GRM7: variants seen among roughly 807,000 people sequenced by gnomAD.
The protein encoded by GRM7 is metabotropic glutamate receptor 7.
In GRM7, 35 loss-of-function variants were observed where a neutral mutation model predicts 84.5. That is an observed-to-expected ratio of 0.41 (90% CI 0.32 to 0.55). The LOEUF (loss-of-function observed/expected upper bound fraction) is 0.55. Among genes scored for constraint, GRM7 ranks in the 20% least tolerant of loss-of-function variants. GRM7 has a pLI of 0.19. For synonymous variants in GRM7, 487 were observed against 455.1 expected, an observed-to-expected ratio of 1.07 and a Z score of -0.89; for missense variants, 1,003 against 1,194.6, an observed-to-expected ratio of 0.84 and a Z score of 2.36.
At chr3:7,084,462 G>A (rs1485836055) in intron 1 of GRM7, among the ~76,000 whole-genome samples, 1 of 152,048 alleles carries the variant, frequency 6.6e-6, no homozygotes, top group Non-Finnish European at 1.5e-5. Context: ...GTCATATTAG[G>A]GATATATGTT....
intron 1 of GRM7, among the ~76,000 whole-genome samples, chr3:7,108,276 T>A (rs1692723867): frequency 6.6e-6 from 1 of 152,072 alleles, no homozygotes; most frequent in African/African-American, 2.4e-5. Context: ...TCTGTCTGAT[T>A]GCAGGAAGAA....
intron 4 of GRM7, among the ~76,000 whole-genome samples, chr3:7,383,899 T>C (rs1388553341): frequency 6.6e-6 from 1 of 152,238 alleles, no homozygotes; most frequent in Admixed American, 6.5e-5. Flanking sequence ...TCGTGGAGTT[T>C]ACCTTTTTAA....
intron 4 of GRM7, among the ~76,000 whole-genome samples, chr3:7,331,159 A>G (rs1575177427): frequency 6.6e-6 from 1 of 152,238 alleles, no homozygotes; most frequent in Non-Finnish European, 1.5e-5. Flanking sequence ...CCTCTATACT[A>G]AAGTTTTTAA....
At chr3:6,909,773 C>CAATT (rs1696703557) in intron 1 of GRM7, among the ~76,000 whole-genome samples, 1 of 151,892 alleles carries the variant, frequency 6.6e-6, no homozygotes, top group African/African-American at 2.4e-5. Context: ...ATCACGTATT[C>CAATT]CTGTTTGATT....
rs571631926 is a variant in GRM7 at position 7,319,183 on chromosome 3, C to T, written c.1033+12531C>T. Among the ~76,000 whole-genome samples the T allele has an allele frequency of 7.0e-4, 107 of 151,970 alleles. 1 individual carries two copies. The highest frequency in any genetic ancestry group is 5.1e-3 in the Admixed American group (78 of 15,234). ...ACCATTATAATGTCAGAGGATGGAT[C>T]GTGATAATAGAGATAAGCTTAGGGG... On this transcript the variant is annotated intron_variant, in intron 4 of 9. Coordinates refer to ENST00000357716, the MANE Select transcript of GRM7 (RefSeq NM_000844.4).
intron 2 of GRM7, among the ~76,000 whole-genome samples, chr3:7,224,840 C>T (rs751513710): frequency 3.9e-5 from 6 of 152,214 alleles, no homozygotes; most frequent in East Asian, 1.9e-4. Context: ...AAGTTGAATG[C>T]GTGCACCTAA....
At chr3:6,996,530 G>A (rs1322819409) in intron 1 of GRM7, among the ~76,000 whole-genome samples, 1 of 152,060 alleles carries the variant, frequency 6.6e-6, no homozygotes, top group Non-Finnish European at 1.5e-5. Context: ...TCATACTATT[G>A]GGAGTTTGCT....
chr3:7,232,510 T>C (rs187028816), intron 2 of GRM7, among the ~76,000 whole-genome samples: 67 of 152,238 alleles, frequency 4.4e-4, no homozygotes, highest in Non-Finnish European at 7.5e-4. Context: ...GATGATAGGA[T>C]GAGAAATGTG....
intron 2 of GRM7, among the ~76,000 whole-genome samples, chr3:7,266,293 G>A (rs1429883016): frequency 6.6e-6 from 1 of 152,184 alleles, no homozygotes; most frequent in East Asian, 1.9e-4. Flanking sequence ...AAGTGTTACT[G>A]TTCAAAAGAA....
chr3:6,944,727 T>G lies in GRM7; in HGVS notation c.519+82820T>G, dbSNP rs907409628. On this transcript the variant is annotated intron_variant, in intron 1 of 9. Coordinates refer to ENST00000357716, the MANE Select transcript of GRM7 (RefSeq NM_000844.4). ...GGGAAGGATTTGCCCTCCTCACGTT[T>G]TCGAACTTCATGTTGAATTGATATT... Among the ~76,000 whole-genome samples, 3 of 152,160 alleles carry G rather than the reference T, an allele frequency of 2.0e-5. 1 individual carries two copies. Among genetic ancestry groups the G allele is most frequent in the African/African-American group, 7.2e-5 (3 of 41,452 alleles).
intron 1 of GRM7, among the ~76,000 whole-genome samples, chr3:7,099,380 ATAAT>A (rs917528285): frequency 2.7e-5 from 4 of 148,372 alleles, no homozygotes; most frequent in Middle Eastern, 3.6e-3. Context: ...ATATACATAT[ATAAT>A]ATATACATTA....
intron 1 of GRM7, among the ~76,000 whole-genome samples, chr3:7,103,808 TTCTTTCTTTC>T (rs1473189239): frequency 4.0e-4 from 39 of 97,360 alleles, no homozygotes; most frequent in South Asian, 9.3e-4. Flanking sequence ...CTTTCTTTCT[TTCTTTCTTTC>T]TCTCTCTCTC....
intron 1 of GRM7, among the ~76,000 whole-genome samples, chr3:7,053,807 T>C (rs1485694466): frequency 1.3e-5 from 2 of 151,390 alleles, no homozygotes; most frequent in African/African-American, 4.8e-5. Context: ...TCCTTCAATT[T>C]TATTTTTCTT....
intron 1 of GRM7, among the ~76,000 whole-genome samples, chr3:6,889,960 G>T (rs189417784): frequency 1.3e-3 from 193 of 152,226 alleles, no homozygotes; most frequent in African/African-American, 4.3e-3. Context: ...TTTAGTCTTG[G>T]GAGGGTGTAC....
intron 2 of GRM7, among the ~76,000 whole-genome samples, chr3:7,182,090 T>C (rs970842428): frequency 2.4e-4 from 37 of 152,214 alleles, no homozygotes; most frequent in African/African-American, 8.9e-4. Context: ...GTTCCTCTTA[T>C]AACTGTTTTC....
At chr3:6,889,931 A>G (rs1179927290) in intron 1 of GRM7, among the ~76,000 whole-genome samples, 1 of 152,154 alleles carries the variant, frequency 6.6e-6, no homozygotes, top group Admixed American at 6.5e-5. Flanking sequence ...GTTTATTCAG[A>G]GATTCAACTT....
intron 8 of GRM7, among the ~76,000 whole-genome samples, chr3:7,582,176 A>T (rs1407787015): frequency 1.3e-5 from 2 of 152,322 alleles, no homozygotes; most frequent in African/African-American, 4.8e-5. Flanking sequence ...TCTGTTGAAG[A>T]CTAGAATGTT....
At chr3:7,075,794 G>A (rs776865464) in intron 1 of GRM7, among the ~76,000 whole-genome samples, 10 of 152,070 alleles carry the variant, frequency 6.6e-5, no homozygotes, top group Non-Finnish European at 1.3e-4. Flanking sequence ...CCAAAGTGCT[G>A]GGATTACAGG....
intron 8 of GRM7, among the ~76,000 whole-genome samples, chr3:7,629,908 A>G (rs897314807): frequency 2.0e-5 from 3 of 152,216 alleles, no homozygotes; most frequent in African/African-American, 4.8e-5. Context: ...CAGATAGCTA[A>G]TAAGTAGGGA....
Sources: gnomAD v4.1 joint callset for allele counts (sites outside exome capture counted in the v4.1 genomes callset) on GRCh38, gnomAD v4.1.1 for gene constraint, MANE v1.5 for transcripts, NCBI Gene and HGNC (gene_info 2026-07-23, HGNC 2026-07-21) for gene names.